ICA1: variants seen among roughly 807,000 people sequenced by gnomAD.
The protein encoded by ICA1 is islet cell autoantigen 1.
A neutral mutation model predicts 71.0 loss-of-function variants in ICA1; 40 were observed. That is an observed-to-expected ratio of 0.56 (90% CI 0.44 to 0.73). The LOEUF (loss-of-function observed/expected upper bound fraction) is 0.73, where lower values mean the gene tolerates loss of function less well. Ranked by LOEUF, ICA1 falls within the 30% of genes least tolerant of loss-of-function variation. The pLI is 0.00. For synonymous variants in ICA1, 207 were observed against 209.5 expected (o/e 0.99, Z 0.10); for missense variants, 578 against 576.5 (o/e 1.00, Z -0.03).
chr7:8,113,848 T>C lies in ICA1; in HGVS notation c.*75A>G. ...CATAATTATTAAAACAGCATACTGA[T>C]CACTTTATACTTCTGCTAGCCCCCA... is the stretch of plus-strand genomic sequence containing the variant. On this transcript the variant is annotated 3_prime_UTR_variant, in exon 14 of 14. Transcript: ENST00000402384. The surrounding 1 kb of genome is among the most constrained non-coding windows in gnomAD (Gnocchi z 4.2). 6.7e-7 allele frequency: 1 copy of C among 1,495,258 alleles called. No homozygotes were observed. Among genetic ancestry groups the C allele is most frequent in the Non-Finnish European group, 9.3e-7 (1 of 1,074,076 alleles). The allele number at this position is 1,495,258 out of a possible 1,614,324, so 92.6% of individuals were successfully genotyped here.
At chr7:8,117,848 C>T (rs1315268982) in intron 13 of ICA1, among the ~76,000 whole-genome samples, 1 of 152,170 alleles carries the variant, frequency 6.6e-6, no homozygotes, top group Non-Finnish European at 1.5e-5. Flanking sequence ...GGATTTAATG[C>T]CACTTGTTCA....
intron 6 of ICA1, among the ~76,000 whole-genome samples, chr7:8,205,597 T>C (rs558215685): frequency 6.6e-6 from 1 of 152,312 alleles, no homozygotes; most frequent in Admixed American, 6.5e-5. Flanking sequence ...AATAAACAAA[T>C]ATTATGAAGC....
intron 8 of ICA1, among the ~76,000 whole-genome samples, chr7:8,150,257 G>A (rs1208029487): frequency 2.0e-5 from 3 of 152,206 alleles, no homozygotes; most frequent in African/African-American, 4.8e-5. Flanking sequence ...AGGTAATGAC[G>A]AGTATTCGTC....
chr7:8,138,951 T>C (rs759345900), intron 11 of ICA1, 34 bp downstream of exon 11: 1 of 1,602,822 alleles, frequency 6.2e-7, no homozygotes, highest in East Asian at 2.2e-5. Context: ...AGTCAAATAA[T>C]TAAAATTGAG....
At chr7:8,120,852 C>T (rs754224024) in intron 13 of ICA1, among the ~76,000 whole-genome samples, 6 of 152,216 alleles carry the variant, frequency 3.9e-5, no homozygotes, top group Non-Finnish European at 8.8e-5. Context: ...CTGCGCTTTG[C>T]CATGGGTGTC....
intron 6 of ICA1, among the ~76,000 whole-genome samples, chr7:8,183,016 T>C (rs189669952): frequency 2.6e-5 from 4 of 152,294 alleles, no homozygotes; most frequent in Admixed American, 2.6e-4. Flanking sequence ...CACAACACAA[T>C]GGTGATCAGG....
At chr7:8,162,216 A>G (rs535029961) in intron 6 of ICA1, among the ~76,000 whole-genome samples, 177 of 152,232 alleles carry the variant, frequency 1.2e-3, no homozygotes, top group Non-Finnish European at 2.2e-3. Context: ...TTTGAAATGT[A>G]CCCTAATTTC....
chr7:8,137,827 T>C (rs1397831559), intron 12 of ICA1, among the ~76,000 whole-genome samples: 1 of 152,236 alleles, frequency 6.6e-6, no homozygotes, highest in Non-Finnish European at 1.5e-5. Context: ...GACAAAACTT[T>C]AACCAATGTC....
chr7:8,153,621 G>A (rs998241450), intron 8 of ICA1, among the ~76,000 whole-genome samples: 1 of 152,030 alleles, frequency 6.6e-6, no homozygotes, highest in Non-Finnish European at 1.5e-5. Context: ...ATAGGGTACT[G>A]CTCTCCTAAC....
rs1791760560 is a variant in ICA1, at chr7:8,132,299, T to A, written c.1061-4157A>T. ...GCACCTTTAGTCTTTCATTTTCCAA[T>A]GCTTCCTTCCCCTAGCCGCAGGAGA... is the stretch of plus-strand genomic sequence containing the variant. On this transcript the variant is annotated intron_variant, in intron 12 of 13. Coordinates refer to ENST00000402384, the MANE Select transcript of ICA1 (RefSeq NM_001136020.3). This position sits in a 1 kb window ranked among gnomAD's most constrained non-coding sequence, Gnocchi z 4.5. Among the ~76,000 whole-genome samples the A allele has an allele frequency of 6.6e-6, 1 of 152,188 alleles. No individual in the cohort carries two copies. The highest frequency in any genetic ancestry group is 1.5e-5 in the Non-Finnish European group (1 of 68,030).
At chr7:8,189,729 G>A (rs998835095) in intron 6 of ICA1, among the ~76,000 whole-genome samples, 4 of 152,014 alleles carry the variant, frequency 2.6e-5, no homozygotes, top group Admixed American at 6.5e-5. Context: ...GCTCTGCAAG[G>A]GGGGTAGGCA....
chr7:8,213,569 A>AACTCT (rs1262683881), intron 6 of ICA1, among the ~76,000 whole-genome samples: 3 of 152,236 alleles, frequency 2.0e-5, no homozygotes, highest in Non-Finnish European at 4.4e-5. Flanking sequence ...TAGTGTCTCC[A>AACTCT]ACTCTCATGG....
At chr7:8,187,891 T>C (rs1196221632) in intron 6 of ICA1, among the ~76,000 whole-genome samples, 2 of 152,212 alleles carry the variant, frequency 1.3e-5, no homozygotes, top group African/African-American at 4.8e-5. Flanking sequence ...ACCACCATCA[T>C]AAAATGTCAT....
chr7:8,164,303 CAAAAAAAAAAAAA>C (rs71014767), intron 6 of ICA1, among the ~76,000 whole-genome samples: 1 of 83,620 alleles, frequency 1.2e-5, no homozygotes, highest in African/African-American at 5.2e-5. Flanking sequence ...GACTCCGTCT[CAAAAAAAAAAAAA>C]AAAAAAAAAA....
At chr7:8,198,516 T>C (rs1167391899) in intron 6 of ICA1, among the ~76,000 whole-genome samples, 6 of 152,198 alleles carry the variant, frequency 3.9e-5, no homozygotes, top group Non-Finnish European at 8.8e-5. Context: ...GTGGTTGGAT[T>C]TGGGTTTCAT....
intron 1 of ICA1, among the ~76,000 whole-genome samples, chr7:8,260,772 T>A (rs1812030644): frequency 6.6e-6 from 1 of 152,220 alleles, no homozygotes; most frequent in Non-Finnish European, 1.5e-5. Flanking sequence ...AAAACTTACT[T>A]AAAAGCATTT....
At chr7:8,211,722 AC>A (rs1793857290) in intron 6 of ICA1, among the ~76,000 whole-genome samples, 1 of 152,168 alleles carries the variant, frequency 6.6e-6, no homozygotes, top group Non-Finnish European at 1.5e-5. Flanking sequence ...AAATTTTAAA[AC>A]CTCACACTTT....
chr7:8,124,525 G>A (rs950017775), intron 13 of ICA1, among the ~76,000 whole-genome samples: 1 of 151,192 alleles, frequency 6.6e-6, no homozygotes, highest in Non-Finnish European at 1.5e-5. Flanking sequence ...GGTCCTAATA[G>A]AAGAATAGAA....
At chr7:8,138,593 C>T (rs769600437) in intron 12 of ICA1, among the ~76,000 whole-genome samples, 23 of 152,230 alleles carry the variant, frequency 1.5e-4, no homozygotes, top group Non-Finnish European at 2.5e-4. Flanking sequence ...CAGCATGTGA[C>T]CCATGACATA....
Sources: allele counts gnomAD v4.1 joint callset (sites outside exome capture counted in the v4.1 genomes callset), GRCh38; gene constraint gnomAD v4.1.1; non-coding constraint Gnocchi (gnomAD v3.1); transcripts MANE v1.5; gene names NCBI Gene and HGNC (gene_info 2026-07-23, HGNC 2026-07-21).